The following DKK4 variants were observed in gnomAD, a reference collection of about 807,000 sequenced individuals.
The protein encoded by DKK4 is dickkopf Wnt signaling pathway inhibitor 4, also known as dickkopf-related protein 4.
DKK4 carries 15 observed loss-of-function variants against 14.5 expected under a neutral mutation model. The observed-to-expected ratio is 1.03, with a 90% CI of 0.69 to 1.59. The LOEUF is 1.59. DKK4 is among the 40% of genes most tolerant of loss of function. The pLI is 0.00. For synonymous variants in DKK4, 89 were observed against 105.2 expected, an observed-to-expected ratio of 0.85 and a Z score of 0.94; for missense variants, 272 against 280.3, an observed-to-expected ratio of 0.97 and a Z score of 0.21.
upstream of DKK4, chr8:42,377,301 C>T: frequency 2.1e-6 from 1 of 465,222 alleles, no homozygotes; most frequent in Non-Finnish European, 3.9e-6. Context: ...TTCCTCCTGC[C>T]CCACACAGGC....
At chr8:42,374,668 GAGA>G in intron 3 of DKK4, 90 bp downstream of exon 3, 1 of 1,524,748 alleles carries the variant, frequency 6.6e-7, no homozygotes, top group Non-Finnish European at 8.9e-7. Flanking sequence ...TTCTGGGATG[GAGA>G]AGAATAAAAT....
chr8:42,376,301 T>C (rs182605202), intron 1 of DKK4, among the ~76,000 whole-genome samples: 6 of 152,328 alleles, frequency 3.9e-5, no homozygotes, highest in Admixed American at 3.3e-4. Context: ...TGATGCCTCA[T>C]TGACATAGAG....
At chr8:42,381,023 T>A (rs1000310780), upstream of DKK4, among the ~76,000 whole-genome samples, 3 of 152,138 alleles carry the variant, frequency 2.0e-5, no homozygotes, top group Non-Finnish European at 4.4e-5. Flanking sequence ...GGTGGCAGTA[T>A]GGTGCTTAGG....
In DKK4 at chr8:42,374,287, G is replaced by A. The variant is rs199600734; in HGVS notation, c.488C>T (p.Thr163Met). 9.1e-5 allele frequency: 146 copies of A among 1,611,642 alleles called. No individual in the cohort carries two copies. Among genetic ancestry groups the A allele is most frequent in the African/African-American group, 6.8e-4 (51 of 74,646 alleles). ...CAAAAGGACTGGCTTACAAATTTTCGTCCAAAAATGACGAGCACAGCAAAG... is the reference window on the plus strand; with the variant it reads ...CAAAAGGACTGGCTTACAAATTTTCATCCAAAAATGACGAGCACAGCAAAG... ...PGLCCARHFW[T>M]KICKPVLLEG... The change falls in exon 4 of 4, where the codon ACG becomes ATG. Residue 163 changes from threonine (T) to methionine (M), a missense_variant. Coordinates refer to ENST00000220812, the MANE Select transcript of DKK4 (RefSeq NM_014420.3).
chr8:42,389,342 C>T, the DKK4 span, among the ~76,000 whole-genome samples: 2 of 152,200 alleles, frequency 1.3e-5, no homozygotes, highest in Admixed American at 1.3e-4. Flanking sequence ...GAGGTTAATG[C>T]TTGCCTAAGA....
At chr8:42,376,868 A>G in intron 1 of DKK4, 67 bp downstream of exon 1, 1 of 1,304,910 alleles carries the variant, frequency 7.7e-7, no homozygotes, top group South Asian at 1.2e-5. Context: ...ATGACTTACT[A>G]AAGCCTAAAC....
chr8:42,386,232 G>A, the DKK4 span, among the ~76,000 whole-genome samples: 86 of 151,976 alleles, frequency 5.7e-4, no homozygotes, highest in Non-Finnish European at 1.5e-4. Flanking sequence ...TGGGGATATA[G>A]GTGTGCACCA....
At chr8:42,383,031 A>G in the DKK4 span, among the ~76,000 whole-genome samples, 1 of 152,226 alleles carries the variant, frequency 6.6e-6, no homozygotes, top group Non-Finnish European at 1.5e-5. Context: ...TTTGATTTCC[A>G]TAAGTTTTGC....
At chr8:42,382,360 G>A in the DKK4 span, among the ~76,000 whole-genome samples, 1 of 152,188 alleles carries the variant, frequency 6.6e-6, no homozygotes, top group Non-Finnish European at 1.5e-5. Context: ...AGCGTCTACT[G>A]CCAGGAGCCC....
chr8:42,378,562 C>G (rs1017461925), upstream of DKK4, among the ~76,000 whole-genome samples: 1 of 152,068 alleles, frequency 6.6e-6, no homozygotes, highest in African/African-American at 2.4e-5. Context: ...AGGGGTGTTA[C>G]AGAATTTATT....
At chr8:42,385,332 C>T in the DKK4 span, among the ~76,000 whole-genome samples, 3 of 152,028 alleles carry the variant, frequency 2.0e-5, no homozygotes, top group Non-Finnish European at 4.4e-5. Context: ...GTTGAGGCTG[C>T]ACTGAGCTGA....
At chr8:42,380,699 A>AGAAAG (rs374512521), upstream of DKK4, among the ~76,000 whole-genome samples, 34 of 146,196 alleles carry the variant, frequency 2.3e-4, 1 homozygote, top group African/African-American at 8.2e-4. Context: ...AGAAAAGAAA[A>AGAAAG]AAGGGAGGGA....
At chr8:42,389,954 C>T in the DKK4 span, among the ~76,000 whole-genome samples, 1 of 150,224 alleles carries the variant, frequency 6.7e-6, no homozygotes, top group African/African-American at 2.5e-5. Context: ...TGCAATGGCA[C>T]GATCTTGGCT....
chr8:42,391,041 C>A, the DKK4 span, among the ~76,000 whole-genome samples: 4 of 152,148 alleles, frequency 2.6e-5, no homozygotes, highest in Admixed American at 2.6e-4. Context: ...TCTATTCTAC[C>A]TTTATTAGTT....
upstream of DKK4, among the ~76,000 whole-genome samples, chr8:42,380,376 A>AGAGAAAGAAAGAAAGGAAGGAAGG (rs1313501068): frequency 3.5e-5 from 5 of 143,594 alleles, no homozygotes; most frequent in Non-Finnish European, 7.5e-5. Flanking sequence ...AAAGAGAGAC[A>AGAGAAAGAAAGAAAGGAAGGAAGG]GAGAAAGAAA....
chr8:42,382,892 C>T, the DKK4 span, among the ~76,000 whole-genome samples: 1 of 152,198 alleles, frequency 6.6e-6, no homozygotes, highest in Non-Finnish European at 1.5e-5. Flanking sequence ...GTGTTTGAGA[C>T]CTGCCACCTG....
chr8:42,376,406 C>A (rs1824565706), intron 1 of DKK4, among the ~76,000 whole-genome samples: 1 of 152,178 alleles, frequency 6.6e-6, no homozygotes, highest in Non-Finnish European at 1.5e-5. Flanking sequence ...ATGTAATAAT[C>A]TATACGATAT....
chr8:42,387,847 A>C, the DKK4 span, among the ~76,000 whole-genome samples: 2 of 151,812 alleles, frequency 1.3e-5, no homozygotes, highest in African/African-American at 4.9e-5. Context: ...AGGTCCTTTC[A>C]GAAGAAAGAC....
chr8:42,378,174 A>C (rs1056004766), upstream of DKK4, among the ~76,000 whole-genome samples: 25 of 152,340 alleles, frequency 1.6e-4, no homozygotes, highest in Non-Finnish European at 3.1e-4. Flanking sequence ...AAATACTTTA[A>C]GGGTAGAACA....
Sources: allele counts gnomAD v4.1 joint callset (sites outside exome capture counted in the v4.1 genomes callset), GRCh38; gene constraint gnomAD v4.1.1; transcripts MANE v1.5; gene names NCBI Gene and HGNC (gene_info 2026-07-23, HGNC 2026-07-21).